Variants in BTBD8 observed in about 807,000 individuals in gnomAD.
The protein encoded by BTBD8 is BTB domain containing 8.
Under a neutral mutation model 162.9 loss-of-function variants are expected in BTBD8, and 110 were observed. The observed-to-expected ratio is 0.68, with a 90% CI of 0.58 to 0.79. The LOEUF is 0.79. Among genes scored for constraint, BTBD8 ranks in the 30% least tolerant of loss-of-function variants. BTBD8 has a pLI of 0.00. For synonymous variants in BTBD8, 667 were observed against 716.1 expected (o/e 0.93, Z 1.10); for missense variants, 1,905 against 2,085.4 (o/e 0.91, Z 1.68).
Position 92,178,330 on chromosome 1 carries a change from T to C in BTBD8, c.2460T>C (p.Ser820=), listed in dbSNP as rs368887271. 2 of 1,550,580 alleles carry C rather than the reference T, an allele frequency of 1.3e-6. No homozygotes were observed. The highest frequency in any genetic ancestry group is 1.7e-6 in the Non-Finnish European group (2 of 1,146,590). ...TTTTTAGTGTACTAAAGAAAGTCAG[T>C]GGCAAAGGATGTAGTGAGCCAGTAC... ...NVNNSVLKKV[S]GKGCSEPVPQ... The change falls in exon 16 of 18, where the codon AGT becomes AGC. Residue 820 remains serine, a synonymous_variant. Transcript: ENST00000636805.
intron 2 of BTBD8, 69 bp from the exon 3 acceptor site, chr1:92,102,404 A>G: frequency 8.6e-7 from 1 of 1,160,112 alleles, no homozygotes; most frequent in Non-Finnish European, 1.1e-6. Context: ...CACACTAAGG[A>G]AACTAGCATT....
Position 92,086,200 on chromosome 1 carries a change from C to G in BTBD8, c.150-2498C>G, listed in dbSNP as rs546412242. ...ACCACAAGGGGTTTTATGCCCTGAG[C>G]CCCGGATTCCATCCAAGCCACTAGG... On this transcript the variant is annotated intron_variant, in intron 1 of 17. Coordinates refer to ENST00000636805, the MANE Select transcript of BTBD8 (RefSeq NM_001376131.1). Among the ~76,000 whole-genome samples the G allele has an allele frequency of 2.0e-5, 3 of 152,226 alleles. No homozygotes were observed. The South Asian group carries it at 6.2e-4, about 32-fold the overall frequency.
intron 9 of BTBD8, among the ~76,000 whole-genome samples, chr1:92,149,539 T>G (rs1649998585): frequency 6.6e-6 from 1 of 152,226 alleles, no homozygotes; most frequent in Non-Finnish European, 1.5e-5. Flanking sequence ...TCAGTTTGAC[T>G]AGGGTCAACT....
chr1:92,081,793 C>T (rs1648023652), intron 1 of BTBD8, among the ~76,000 whole-genome samples: 1 of 152,162 alleles, frequency 6.6e-6, no homozygotes, highest in African/African-American at 2.4e-5. Context: ...AGGCTAGTCA[C>T]GAACTCGTGA....
intron 10 of BTBD8, 78 bp from the exon 11 acceptor site, chr1:92,167,770 A>G (rs1409311310): frequency 8.5e-7 from 1 of 1,175,356 alleles, no homozygotes; most frequent in Non-Finnish European, 1.2e-6. Context: ...AGTTATAATG[A>G]TCTGTTACGC....
chr1:92,109,816 G>T (rs1249540593), intron 4 of BTBD8, among the ~76,000 whole-genome samples: 8 of 152,134 alleles, frequency 5.3e-5, no homozygotes, highest in African/African-American at 1.9e-4. Flanking sequence ...TGTTCTAGAT[G>T]ATCATTGTCA....
intron 2 of BTBD8, among the ~76,000 whole-genome samples, chr1:92,093,187 A>ATT (rs5776134): frequency 0.025 from 3,019 of 119,794 alleles, 146 homozygotes; most frequent in African/African-American, 0.07. Flanking sequence ...TGAAATACCA[A>ATT]TTTTTTTTTT....
At chr1:92,082,319 A>G (rs973809803) in intron 1 of BTBD8, among the ~76,000 whole-genome samples, 26 of 152,228 alleles carry the variant, frequency 1.7e-4, no homozygotes, top group African/African-American at 6.3e-4. Flanking sequence ...TTTATTCTAC[A>G]AATACTAATG....
intron 4 of BTBD8, among the ~76,000 whole-genome samples, chr1:92,124,243 T>G (rs1649296085): frequency 6.6e-6 from 1 of 152,278 alleles, no homozygotes; most frequent in Admixed American, 6.5e-5. Context: ...TTCTGATGCC[T>G]TGAAAGCATG....
At chr1:92,086,641 A>AT (rs1230112861) in intron 1 of BTBD8, among the ~76,000 whole-genome samples, 1 of 151,942 alleles carries the variant, frequency 6.6e-6, no homozygotes, top group Non-Finnish European at 1.5e-5. Context: ...AAAAAAAAAA[A>AT]GGAAATTTGA....
At chr1:92,095,875 C>T (rs1449528395) in intron 2 of BTBD8, among the ~76,000 whole-genome samples, 1 of 152,156 alleles carries the variant, frequency 6.6e-6, no homozygotes, top group Admixed American at 6.5e-5. Context: ...AAGAATCTTA[C>T]TCTCTAACTT....
intron 5 of BTBD8, among the ~76,000 whole-genome samples, chr1:92,134,869 A>G (rs1471905556): frequency 6.8e-6 from 1 of 147,380 alleles, no homozygotes; most frequent in Non-Finnish European, 1.5e-5. Flanking sequence ...CAGAGATTTT[A>G]TTTTATTTAA....
chr1:92,151,211 G>C (rs1650036098), intron 9 of BTBD8, among the ~76,000 whole-genome samples: 1 of 151,986 alleles, frequency 6.6e-6, no homozygotes, highest in Non-Finnish European at 1.5e-5. Flanking sequence ...AAAATTAGCT[G>C]GGCCTGGTGG....
chr1:92,177,850 C>T lies in BTBD8; in HGVS notation c.2393C>T (p.Thr798Ile). The change falls in exon 15 of 18, where the codon ACT becomes ATT. Residue 798 changes from threonine to isoleucine, a missense_variant. By Grantham distance (89) the Thr-to-Ile change is moderately conservative. Coordinates refer to ENST00000636805, the MANE Select transcript of BTBD8 (RefSeq NM_001376131.1). ...CCTGTTTCAAGAGTTACCAATGGAA[C>T]TTCCAATAAAAAAAGTATTCATGAA... The part of the protein sequence containing the change: ...SRPVSRVTNG[T>I]SNKKSIHEQD... 4.5e-6 allele frequency: 7 copies of T among 1,543,970 alleles called. No individual in the cohort carries two copies. The highest frequency in any genetic ancestry group is 6.1e-6 in the Non-Finnish European group (7 of 1,140,662).
intron 13 of BTBD8, among the ~76,000 whole-genome samples, chr1:92,173,337 A>G (rs1650612317): frequency 6.6e-6 from 1 of 152,214 alleles, no homozygotes; most frequent in African/African-American, 2.4e-5. Context: ...TGTTATAGCT[A>G]TGGAATACGA....
chr1:92,136,923 TG>T (rs376940302), intron 5 of BTBD8, among the ~76,000 whole-genome samples: 316 of 152,330 alleles, frequency 2.1e-3, no homozygotes, highest in African/African-American at 7.2e-3. Flanking sequence ...AGGTGATAAT[TG>T]TTGTTTTTAA....
intron 9 of BTBD8, among the ~76,000 whole-genome samples, chr1:92,152,772 AGGTCCTTGTAAGCTTTGT>A: frequency 6.6e-6 from 1 of 152,140 alleles, no homozygotes; most frequent in East Asian, 1.9e-4. Context: ...AGCTGTAATT[AGGTCCTTGTAAGCTTTGT>A]GGTGAATACT....
At chr1:92,101,318 A>T (rs1570718702) in intron 2 of BTBD8, among the ~76,000 whole-genome samples, 1 of 152,336 alleles carries the variant, frequency 6.6e-6, no homozygotes, top group East Asian at 1.9e-4. Flanking sequence ...CTTGACATTG[A>T]TGGTTGCTGG....
At chr1:92,085,073 G>T (rs1165342683) in intron 1 of BTBD8, among the ~76,000 whole-genome samples, 2 of 152,088 alleles carry the variant, frequency 1.3e-5, no homozygotes, top group Non-Finnish European at 2.9e-5. Context: ...ATTTACTTAT[G>T]CTATTAAATA....
Sources: gnomAD v4.1 joint callset for allele counts (sites outside exome capture counted in the v4.1 genomes callset) on GRCh38, gnomAD v4.1.1 for gene constraint, MANE v1.5 for transcripts, NCBI Gene and HGNC (gene_info 2026-07-23, HGNC 2026-07-21) for gene names.